Variants in STK32A observed in about 807,000 individuals in gnomAD.
STK32A encodes serine/threonine-protein kinase 32A.
A neutral mutation model predicts 53.2 loss-of-function variants in STK32A; 41 were observed. That is an observed-to-expected ratio of 0.77 (90% CI 0.60 to 1.00). STK32A has a LOEUF of 1.00. STK32A is among the 50% of genes least tolerant of loss of function. The probability of loss-of-function intolerance (pLI) is 0.00; values close to 1 mark genes in which losing one functional copy is unlikely to be tolerated. For missense variants in STK32A, 458 were observed against 485.8 expected (o/e 0.94, Z 0.54); for synonymous variants, 166 against 162.8 (o/e 1.02, Z -0.15).
intron 2 of STK32A, among the ~76,000 whole-genome samples, chr5:147,240,591 TC>T (rs533421242): frequency 1.1e-4 from 16 of 152,340 alleles, no homozygotes; most frequent in Non-Finnish European, 1.9e-4. Flanking sequence ...ATAGGTTCCT[TC>T]CCACTCAAGA....
At chr5:147,381,823 G>T (rs998084693) in intron 11 of STK32A, among the ~76,000 whole-genome samples, 1 of 151,772 alleles carries the variant, frequency 6.6e-6, no homozygotes, top group African/African-American at 2.4e-5. Flanking sequence ...TCCACAGTAC[G>T]TACACTGGTT....
At chr5:147,341,919 A>G (rs938513226) in intron 5 of STK32A, among the ~76,000 whole-genome samples, 1 of 152,310 alleles carries the variant, frequency 6.6e-6, no homozygotes, top group South Asian at 2.1e-4. Flanking sequence ...ACCTTCTTCC[A>G]ATGAAGGGAG....
intron 1 of STK32A, among the ~76,000 whole-genome samples, chr5:147,237,852 G>C (rs962372911): frequency 2.6e-5 from 4 of 152,082 alleles, no homozygotes; most frequent in Admixed American, 2.0e-4. Context: ...ACTTCCTTAG[G>C]GGTTTCATAA....
chr5:147,379,664 A>G (rs2152007288), intron 11 of STK32A, among the ~76,000 whole-genome samples: 1 of 152,218 alleles, frequency 6.6e-6, no homozygotes, highest in Non-Finnish European at 1.5e-5. Context: ...AAAGTATAGA[A>G]TCAACAGACT....
intron 6 of STK32A, among the ~76,000 whole-genome samples, chr5:147,346,413 T>G (rs1191565165): frequency 6.6e-6 from 1 of 152,206 alleles, no homozygotes; most frequent in Non-Finnish European, 1.5e-5. Context: ...CTGCTTACAT[T>G]TTTATGCAAC....
chr5:147,296,147 T>C (rs4705158), intron 4 of STK32A, among the ~76,000 whole-genome samples: 16,416 of 152,270 alleles, frequency 0.11, 982 homozygotes, highest in Admixed American at 0.15. Context: ...TGAATCTGTA[T>C]GTGTCTGCAG....
intron 8 of STK32A, among the ~76,000 whole-genome samples, chr5:147,363,845 A>G (rs866682806): frequency 3.1e-4 from 47 of 152,128 alleles, no homozygotes; most frequent in Admixed American, 5.9e-4. Flanking sequence ...TTTTTCTTCA[A>G]TTCAAACATT....
chr5:147,335,791 A>ATGTGTGTG (rs145766665), intron 5 of STK32A, among the ~76,000 whole-genome samples: 1 of 151,772 alleles, frequency 6.6e-6, no homozygotes. Flanking sequence ...GTGTGTGTGT[A>ATGTGTGTG]TGTGTGTGTG....
In STK32A at chr5:147,327,290, G is replaced by C. The variant is rs118043375; in HGVS notation, c.434+3219G>C. Among the ~76,000 whole-genome samples the C allele has an allele frequency of 4.2e-4, 64 of 152,236 alleles. No individual in the cohort carries two copies. The East Asian group carries it at 0.011, about 27-fold the overall frequency. On this transcript the variant is annotated intron_variant, in intron 5 of 12. Coordinates refer to ENST00000397936, the MANE Select transcript of STK32A (RefSeq NM_001112724.2). ...CTTTTTTAAACCTCCTTCTTCAAAA[G>C]AATCAGCCCGATTCATGTTGTACTT...
chr5:147,400,917 G>T, the STK32A span: 1 of 1,514,714 alleles, frequency 6.6e-7, no homozygotes. Context: ...TTACTGTGAG[G>T]GTTTGCACTC....
intron 2 of STK32A, among the ~76,000 whole-genome samples, chr5:147,277,059 A>T (rs1489779931): frequency 6.6e-6 from 1 of 152,198 alleles, no homozygotes; most frequent in African/African-American, 2.4e-5. Flanking sequence ...TCTTGGAAAG[A>T]CTTTGAAGGC....
At chr5:147,322,090 G>A (rs1383930440) in intron 4 of STK32A, among the ~76,000 whole-genome samples, 1 of 152,122 alleles carries the variant, frequency 6.6e-6, no homozygotes, top group East Asian at 1.9e-4. Context: ...TATAATTTGT[G>A]TTGCTGCAGT....
intron 2 of STK32A, among the ~76,000 whole-genome samples, chr5:147,266,216 C>T (rs148858936): frequency 3.9e-5 from 6 of 152,246 alleles, no homozygotes; most frequent in African/African-American, 9.6e-5. Flanking sequence ...GGAGAGTTGG[C>T]GGTTGTGAAG....
chr5:147,250,891 G>A (rs1043808098), intron 2 of STK32A, among the ~76,000 whole-genome samples: 5 of 147,536 alleles, frequency 3.4e-5, no homozygotes, highest in Admixed American at 1.4e-4. Flanking sequence ...GCAGTGAGCC[G>A]AGATGGTGTC....
At chr5:147,355,646 C>G (rs1399903929) in intron 7 of STK32A, among the ~76,000 whole-genome samples, 1 of 151,706 alleles carries the variant, frequency 6.6e-6, no homozygotes, top group African/African-American at 2.4e-5. Context: ...CCACTGCACT[C>G]CAGGCTGGGC....
At chr5:147,243,685 G>C (rs1482204695) in intron 2 of STK32A, among the ~76,000 whole-genome samples, 2 of 143,926 alleles carry the variant, frequency 1.4e-5, no homozygotes, top group Non-Finnish European at 3.0e-5. Context: ...AGTTTGCAGT[G>C]AGCTGAGATT....
At chr5:147,294,407 A>G in intron 4 of STK32A, among the ~76,000 whole-genome samples, 1 of 152,034 alleles carries the variant, frequency 6.6e-6, no homozygotes, top group Non-Finnish European at 1.5e-5. Flanking sequence ...AACTACAGGC[A>G]TGCACCACCA....
chr5:147,309,341 C>T (rs901428984), intron 4 of STK32A, among the ~76,000 whole-genome samples: 15 of 151,990 alleles, frequency 9.9e-5, no homozygotes, highest in African/African-American at 3.4e-4. Context: ...TGAAGGTGGT[C>T]AGAGTATAGG....
chr5:147,383,541 T>C (rs1248388014), intron 12 of STK32A, 36 bp downstream of exon 12: 1 of 1,495,814 alleles, frequency 6.7e-7, no homozygotes, highest in South Asian at 1.2e-5. Context: ...GCCCCAGAAA[T>C]GGTGGCATGT....
Sources: gnomAD v4.1 joint callset for allele counts (sites outside exome capture counted in the v4.1 genomes callset) on GRCh38, gnomAD v4.1.1 for gene constraint, MANE v1.5 for transcripts, NCBI Gene and HGNC (gene_info 2026-07-23, HGNC 2026-07-21) for gene names.